Variants in ZBTB44 observed in about 807,000 individuals in gnomAD.
ZBTB44 encodes zinc finger and BTB domain containing 44, also known as zinc finger and BTB domain-containing protein 44.
Under a neutral mutation model 54.0 loss-of-function variants are expected in ZBTB44, and 15 were observed. That is an observed-to-expected ratio of 0.28 (90% CI 0.19 to 0.43). The LOEUF (loss-of-function observed/expected upper bound fraction) is 0.43. Ranked by LOEUF, ZBTB44 falls within the 20% of genes least tolerant of loss-of-function variation. The probability of loss-of-function intolerance (pLI) is 1.00; values close to 1 mark genes in which losing one functional copy is unlikely to be tolerated. For synonymous variants in ZBTB44, 230 were observed against 250.1 expected, an observed-to-expected ratio of 0.92 and a Z score of 0.76; for missense variants, 487 against 707.1, an observed-to-expected ratio of 0.69 and a Z score of 3.53.
intron 1 of ZBTB44, among the ~76,000 whole-genome samples, chr11:130,267,691 A>C (rs536051012): frequency 6.6e-6 from 1 of 152,174 alleles, no homozygotes; most frequent in Non-Finnish European, 1.5e-5. Context: ...GAACTACTAC[A>C]CCTAGCAATC....
intron 1 of ZBTB44, among the ~76,000 whole-genome samples, chr11:130,276,063 TA>T: frequency 6.6e-6 from 1 of 151,176 alleles, no homozygotes; most frequent in South Asian, 2.1e-4. Flanking sequence ...CCGTCTCTAC[TA>T]AAAATACAAA....
At chr11:130,250,919 C>T (rs1163606056) in intron 2 of ZBTB44, among the ~76,000 whole-genome samples, 1 of 152,166 alleles carries the variant, frequency 6.6e-6, no homozygotes, top group Non-Finnish European at 1.5e-5. Flanking sequence ...AGCGAGGGCA[C>T]AACACTGGAC....
intron 2 of ZBTB44, 96 bp downstream of exon 2, chr11:130,260,759 TC>T: frequency 7.5e-7 from 1 of 1,338,554 alleles, no homozygotes; most frequent in Non-Finnish European, 1.0e-6. Flanking sequence ...TCTTTATATT[TC>T]CTATATGACC....
intron 1 of ZBTB44, among the ~76,000 whole-genome samples, chr11:130,267,780 A>C (rs1238890766): frequency 6.6e-6 from 1 of 152,098 alleles, no homozygotes; most frequent in African/African-American, 2.4e-5. Flanking sequence ...AATCCTCGTG[A>C]AGGCCGGGCG....
chr11:130,279,433 T>G (rs1425590509), intron 1 of ZBTB44, among the ~76,000 whole-genome samples: 1 of 150,888 alleles, frequency 6.6e-6, no homozygotes, highest in Non-Finnish European at 1.5e-5. Flanking sequence ...CTGAGGCAGG[T>G]GGATCACTTG....
At chr11:130,282,719 G>C (rs1940619062) in intron 1 of ZBTB44, among the ~76,000 whole-genome samples, 1 of 152,196 alleles carries the variant, frequency 6.6e-6, no homozygotes, top group African/African-American at 2.4e-5. Flanking sequence ...TTTTGAGTAA[G>C]AGTGGCTACC....
chr11:130,266,028 A>G lies in ZBTB44; in HGVS notation c.-56-4099T>C, dbSNP rs147639375. On this transcript the variant is annotated intron_variant, in intron 1 of 7. Transcript: ENST00000357899. ...ACACAGCCTTACACTGGAAACAGAC[A>G]CATTTAGGAATTTCACAGCTAGAGA... is the stretch of plus-strand genomic sequence containing the variant. Among the ~76,000 whole-genome samples the G allele has an allele frequency of 7.7e-3, 1,180 of 152,354 alleles. 8 individuals carry two copies. Among genetic ancestry groups the G allele is most frequent in the African/African-American group, 0.018 (760 of 41,580 alleles).
intron 1 of ZBTB44, among the ~76,000 whole-genome samples, chr11:130,282,911 C>T (rs1940634132): frequency 6.6e-6 from 1 of 151,912 alleles, no homozygotes; most frequent in Non-Finnish European, 1.5e-5. Context: ...TTCCTGAGCT[C>T]AAGCAATCCT....
Position 130,237,973 on chromosome 11 carries a change from CT to C in ZBTB44, c.1267+470del, listed in dbSNP as rs1954183602. ...AAAAAAATACAAACTACAAAGCTGA[CT>C]CATCAGGGCACACAGAGATTTAGGA... On this transcript the variant is annotated intron_variant, in intron 4 of 7. Transcript: ENST00000357899. Among the ~76,000 whole-genome samples the C allele has an allele frequency of 1.3e-5, 2 of 152,174 alleles. 1 individual carries two copies. Among genetic ancestry groups the C allele is most frequent in the South Asian group, 4.1e-4 (2 of 4,830 alleles).
chr11:130,261,250 C>A lies in ZBTB44; in HGVS notation c.624G>T (p.Leu208Phe). 1 of 1,613,870 alleles carries A rather than the reference C, an allele frequency of 6.2e-7. No homozygotes were observed. The highest frequency in any genetic ancestry group is 2.2e-5 in the East Asian group (1 of 44,872). ...CGTQTSSPQV[L>F]NSSASYSENR... ...TTTCTGAGTAGGAAGCTGAAGAATT[C>A]AATACCTGGGGTGAGCTTGTTTGTG... Residue 208 changes from leucine to phenylalanine, a missense_variant, in exon 2 of 8, where the codon TTG becomes TTT. Physicochemically the swap from Leu to Phe is conservative, Grantham distance 22. Around this residue, in one of 3 missense-constraint regions of ZBTB44, gnomAD observed 277 missense variants for 306.5 expected, o/e 0.90. Transcript: ENST00000357899. The surrounding 1 kb of genome is among the most constrained non-coding windows in gnomAD (Gnocchi z 4.8).
intron 1 of ZBTB44, among the ~76,000 whole-genome samples, chr11:130,272,152 A>C (rs1052392412): frequency 1.3e-5 from 2 of 152,006 alleles, no homozygotes; most frequent in African/African-American, 4.8e-5. Context: ...GAATAGCTTG[A>C]ATCTGGGAGG....
At chr11:130,270,815 G>T (rs1254665873) in intron 1 of ZBTB44, among the ~76,000 whole-genome samples, 4 of 152,200 alleles carry the variant, frequency 2.6e-5, no homozygotes, top group African/African-American at 7.2e-5. Flanking sequence ...GATGGGGAAA[G>T]AAATGTTTCA....
intron 1 of ZBTB44, among the ~76,000 whole-genome samples, chr11:130,278,278 C>G (rs1459029303): frequency 6.6e-6 from 1 of 152,174 alleles, no homozygotes; most frequent in Non-Finnish European, 1.5e-5. Flanking sequence ...AATAACCTAA[C>G]ACAAAGTATT....
At chr11:130,241,469 T>A (rs1208834994) in intron 2 of ZBTB44, among the ~76,000 whole-genome samples, 1 of 152,230 alleles carries the variant, frequency 6.6e-6, no homozygotes, top group African/African-American at 2.4e-5. Flanking sequence ...GTGGTTTGAA[T>A]TGCATTTCCC....
chr11:130,301,428 C>A (rs1941980598), intron 1 of ZBTB44, among the ~76,000 whole-genome samples: 1 of 152,152 alleles, frequency 6.6e-6, no homozygotes. Context: ...CCAAGGCAAG[C>A]AGATCACGTG....
chr11:130,304,329 G>T (rs1036781465), intron 1 of ZBTB44, among the ~76,000 whole-genome samples: 25 of 152,042 alleles, frequency 1.6e-4, no homozygotes, highest in South Asian at 4.1e-4. Flanking sequence ...ATTCAATAGG[G>T]GTTACAAAAT....
chr11:130,264,146 A>G (rs1325170049), intron 1 of ZBTB44, among the ~76,000 whole-genome samples: 5 of 152,238 alleles, frequency 3.3e-5, no homozygotes, highest in Non-Finnish European at 7.3e-5. Flanking sequence ...GAAATATAAC[A>G]CAACACACCT....
intron 2 of ZBTB44, among the ~76,000 whole-genome samples, chr11:130,240,187 G>A (rs145087724): frequency 2.0e-5 from 3 of 151,856 alleles, no homozygotes; most frequent in Non-Finnish European, 4.4e-5. Context: ...GACTACGGGC[G>A]CCCGACACCA....
At chr11:130,252,674 T>C (rs898052313) in intron 2 of ZBTB44, among the ~76,000 whole-genome samples, 1 of 152,100 alleles carries the variant, frequency 6.6e-6, no homozygotes, top group Non-Finnish European at 1.5e-5. Flanking sequence ...CTGAAACTAT[T>C]CCAATCAGTA....
Sources: allele counts gnomAD v4.1 joint callset (sites outside exome capture counted in the v4.1 genomes callset), GRCh38; gene constraint gnomAD v4.1.1; regional missense constraint gnomAD v4.1.1; non-coding constraint Gnocchi (gnomAD v3.1); transcripts MANE v1.5; gene names NCBI Gene and HGNC (gene_info 2026-07-23, HGNC 2026-07-21).